ISY1: variants seen among roughly 807,000 people sequenced by gnomAD.
ISY1 encodes the protein ISY1 spliceosome associated protein, also known as pre-mRNA-splicing factor ISY1 homolog.
A neutral mutation model predicts 54.4 loss-of-function variants in ISY1; 12 were observed. The observed-to-expected ratio is 0.22, with a 90% CI of 0.14 to 0.36. The LOEUF (loss-of-function observed/expected upper bound fraction) is 0.36. Among genes scored for constraint, ISY1 ranks in the 10% least tolerant of loss-of-function variants. ISY1 has a pLI of 1.00. For synonymous variants in ISY1, 96 were observed against 117.9 expected (o/e 0.81, Z 1.20); for missense variants, 282 against 342.2 (o/e 0.82, Z 1.39).
chr3:129,131,077 A>G (rs1376635504), intron 9 of ISY1, among the ~76,000 whole-genome samples: 1 of 152,244 alleles, frequency 6.6e-6, no homozygotes. Context: ...AACACCACGG[A>G]CTTGGAAAGA....
At chr3:129,150,514 A>C (rs916266764) in intron 5 of ISY1, among the ~76,000 whole-genome samples, 1 of 152,108 alleles carries the variant, frequency 6.6e-6, no homozygotes, top group Admixed American at 6.5e-5. Flanking sequence ...GATCGAGACC[A>C]TCCTGGCTAA....
chr3:129,160,918 G>GGCCCGGGGGGGGGGGGGGGGGGC, intron 1 of ISY1, 55 bp downstream of exon 1: 1 of 666,128 alleles, frequency 1.5e-6, no homozygotes, highest in Non-Finnish European at 2.7e-6. Flanking sequence ...TGGACTGGGC[G>GGCCCGGGGGGGGGGGGGGGGGGC]CCCCCCCGCC....
intron 5 of ISY1, among the ~76,000 whole-genome samples, chr3:129,151,194 T>A (rs1449285018): frequency 4.1e-5 from 6 of 147,836 alleles, no homozygotes; most frequent in Non-Finnish European, 7.4e-5. Context: ...TATATAAAAA[T>A]ATATATATGA....
intron 1 of ISY1, 55 bp downstream of exon 1, chr3:129,160,918 G>GCCCCCCCCCCCCCCCC: frequency 1.5e-6 from 1 of 666,128 alleles, no homozygotes; most frequent in Non-Finnish European, 2.7e-6. Flanking sequence ...TGGACTGGGC[G>GCCCCCCCCCCCCCCCC]CCCCCCCGCC....
At chr3:129,131,032 C>A (rs2107598727) in intron 9 of ISY1, among the ~76,000 whole-genome samples, 1 of 152,220 alleles carries the variant, frequency 6.6e-6, no homozygotes, top group Admixed American at 6.5e-5. Context: ...TCAGAGGTTG[C>A]CTATGAGTCA....
intron 5 of ISY1, 55 bp downstream of exon 5, chr3:129,156,578 C>G: frequency 6.3e-7 from 1 of 1,576,554 alleles, no homozygotes; most frequent in Non-Finnish European, 8.6e-7. Flanking sequence ...TTGAAGTCCT[C>G]AAGTCTAATT....
chr3:129,134,054 G>A lies in ISY1; in HGVS notation c.663+20C>T, dbSNP rs1425050489. 2.5e-6 allele frequency: 4 copies of A among 1,613,568 alleles called. No individual in the cohort carries two copies. In the Admixed American group the frequency reaches 6.7e-5, roughly 27 times the overall value. On this transcript the variant is annotated intron_variant, in intron 9 of 10. Transcript: ENST00000393295. ...TTGGAACAGATGGCAGTGAGTGCCA[G>A]AGGGGGCCAACCCCAATACCTCCTC...
In ISY1 at chr3:129,130,560, G is replaced by A. The variant is rs1455488806; in HGVS notation, c.740C>T (p.Ser247Leu). 13 of 1,614,058 alleles carry A rather than the reference G, an allele frequency of 8.1e-6. No individual in the cohort carries two copies. Among genetic ancestry groups the A allele is most frequent in the East Asian group, 2.2e-5 (1 of 44,882 alleles). The change falls in exon 10 of 11, where the codon TCG (serine) becomes TTG (leucine). Residue 247 changes from serine to leucine, a missense_variant. This residue lies in a region of ISY1 where 279 missense variants were observed against 323.6 expected (regional missense o/e 0.86). Coordinates refer to ENST00000393295, the MANE Select transcript of ISY1 (RefSeq NM_020701.4). ...TAGCTGTGGTCCTACCTCTTGCTGC[G>A]AGGGAACAGGGACGTGAGCAATGAA... ...QKFIAHVPVP[S>L]QQEIEEALVR...
intron 6 of ISY1, among the ~76,000 whole-genome samples, chr3:129,143,125 G>A (rs73212423): frequency 1.5e-4 from 23 of 152,078 alleles, no homozygotes; most frequent in Non-Finnish European, 2.9e-4. Context: ...TGAGGTAAAA[G>A]GATTACTTGC....
At chr3:129,150,674 G>A (rs1936940949) in intron 5 of ISY1, among the ~76,000 whole-genome samples, 1 of 151,618 alleles carries the variant, frequency 6.6e-6, no homozygotes, top group Non-Finnish European at 1.5e-5. Context: ...ACTCCAGCCT[G>A]GACGCCAGAG....
At position 129,131,419 on chromosome 3, in the gene ISY1, C is replaced by G. The variant is rs546261885; in HGVS notation, c.664-783G>C. On this transcript the variant is annotated intron_variant, in intron 9 of 10. Transcript: ENST00000393295. ...TAGACACAAAAGAGTACACACGACT[C>G]ACATATGTAAAGTTCAGACACAAGT... Among the ~76,000 whole-genome samples, 7 of 152,330 alleles carry G rather than the reference C, an allele frequency of 4.6e-5. No homozygotes were observed. In the South Asian group the frequency reaches 1.5e-3, roughly 32 times the overall value.
In ISY1 at chr3:129,145,913, T is replaced by C. The variant is rs781029792; in HGVS notation, c.188-40A>G. ...GGTTAACAATATCATTCCATAAAAA[T>C]GAATGTCAACACCTCTAACACGTAC... On this transcript the variant is annotated intron_variant, in intron 5 of 10. Transcript: ENST00000393295. 2.2e-5 allele frequency: 36 copies of C among 1,603,614 alleles called. No individual in the cohort carries two copies. The Admixed American group carries it at 3.2e-4, about 14-fold the overall frequency.
chr3:129,132,120 C>A (rs993552539), intron 9 of ISY1, among the ~76,000 whole-genome samples: 2 of 152,214 alleles, frequency 1.3e-5, no homozygotes, highest in South Asian at 2.1e-4. Flanking sequence ...GTGACCACCA[C>A]CCCCGGCCAG....
chr3:129,144,114 C>T, intron 6 of ISY1: 1 of 423,550 alleles, frequency 2.4e-6, no homozygotes. Context: ...TTTAAGCTGC[C>T]TCACAGGAAA....
intron 1 of ISY1, among the ~76,000 whole-genome samples, chr3:129,160,574 G>A (rs915955405): frequency 6.6e-6 from 1 of 152,070 alleles, no homozygotes; most frequent in Non-Finnish European, 1.5e-5. Context: ...GGAGCAGACT[G>A]AGAACGGACA....
At chr3:129,141,604 A>C (rs2107607644) in intron 6 of ISY1, among the ~76,000 whole-genome samples, 1 of 152,042 alleles carries the variant, frequency 6.6e-6, no homozygotes, top group Non-Finnish European at 1.5e-5. Flanking sequence ...AATACAAAAA[A>C]TTAGCTAGGC....
chr3:129,142,265 G>T (rs185955932), intron 6 of ISY1, among the ~76,000 whole-genome samples: 70 of 151,624 alleles, frequency 4.6e-4, no homozygotes, highest in Admixed American at 1.5e-3. Context: ...CCCCAGATCA[G>T]GTCCTGTACT....
intron 9 of ISY1, 30 bp downstream of exon 9, chr3:129,134,044 G>C (rs144548237): frequency 3.7e-6 from 6 of 1,613,266 alleles, no homozygotes; most frequent in Non-Finnish European, 4.2e-6. Context: ...ACAGATGGCA[G>C]TGAGTGCCAG....
At position 129,134,210 on chromosome 3, in the gene ISY1, G is replaced by A; in HGVS notation, c.542-15C>T. On this transcript the variant is annotated splice_polypyrimidine_tract_variant and intron_variant, in intron 8 of 10. Coordinates refer to ENST00000393295, the MANE Select transcript of ISY1 (RefSeq NM_020701.4). ...CTCGGCTCTGACTGAACACAAGAGA[G>A]GGTAGGTGCTATTTATTTGTCTCTA... 6.2e-7 allele frequency: 1 copy of A among 1,614,042 alleles called. No individual in the cohort carries two copies.
Sources: gnomAD v4.1 joint callset for allele counts (sites outside exome capture counted in the v4.1 genomes callset) on GRCh38, gnomAD v4.1.1 for gene constraint, gnomAD v4.1.1 regional missense constraint, MANE v1.5 for transcripts, NCBI Gene and HGNC (gene_info 2026-07-23, HGNC 2026-07-21) for gene names.